Variants in RBBP8 observed in about 807,000 individuals in gnomAD.
The protein encoded by RBBP8 is DNA endonuclease RBBP8.
RBBP8 carries 88 observed loss-of-function variants against 108.3 expected under a neutral mutation model. That is an observed-to-expected ratio of 0.81 (90% confidence interval 0.68 to 0.97). RBBP8 has a LOEUF of 0.97. Ranked by LOEUF, RBBP8 falls within the 50% of genes least tolerant of loss-of-function variation. The pLI is 0.00. For synonymous variants in RBBP8, 332 were observed against 348.2 expected (o/e 0.95, Z 0.52); for missense variants, 1,023 against 1,049.0 (o/e 0.98, Z 0.34).
chr18:22,971,705 G>T (rs1316048435), intron 5 of RBBP8, among the ~76,000 whole-genome samples: 1 of 147,990 alleles, frequency 6.8e-6, no homozygotes, highest in Non-Finnish European at 1.5e-5. Flanking sequence ...GAGTGCAGTG[G>T]CGTCATCTCT....
intron 2 of RBBP8, among the ~76,000 whole-genome samples, chr18:22,915,848 T>C (rs983945023): frequency 1.3e-5 from 2 of 152,102 alleles, no homozygotes; most frequent in African/African-American, 2.4e-5. Flanking sequence ...AAGAAAGCTA[T>C]TTAAGAACTA....
At chr18:23,015,016 C>A in intron 16 of RBBP8, among the ~76,000 whole-genome samples, 1 of 151,996 alleles carries the variant, frequency 6.6e-6, no homozygotes, top group East Asian at 1.9e-4. Flanking sequence ...CTCCTGAGTA[C>A]CTGGGACTAT....
intron 16 of RBBP8, among the ~76,000 whole-genome samples, chr18:23,007,319 CCTGT>C (rs947369901): frequency 1.3e-5 from 2 of 152,088 alleles, no homozygotes; most frequent in Admixed American, 6.5e-5. Flanking sequence ...CCACACCCAG[CCTGT>C]CTGTTTTATT....
At chr18:22,954,878 C>A (rs1390423443) in intron 4 of RBBP8, among the ~76,000 whole-genome samples, 2 of 152,102 alleles carry the variant, frequency 1.3e-5, no homozygotes, top group Non-Finnish European at 2.9e-5. Context: ...CTCGTTAGAA[C>A]TCACTATCAA....
At chr18:23,010,419 CAGTG>C (rs1312871247) in intron 16 of RBBP8, among the ~76,000 whole-genome samples, 2 of 151,856 alleles carry the variant, frequency 1.3e-5, no homozygotes, top group Non-Finnish European at 2.9e-5. Context: ...CTGGGCAACA[CAGTG>C]AGACCTCGTC....
At chr18:22,928,783 C>G (rs1329421585), upstream of RBBP8, among the ~76,000 whole-genome samples, 4 of 151,980 alleles carry the variant, frequency 2.6e-5, no homozygotes, top group Non-Finnish European at 5.9e-5. Flanking sequence ...GATTCACCTC[C>G]CTCAGCCTCC....
intron 4 of RBBP8, among the ~76,000 whole-genome samples, chr18:22,951,948 T>G (rs925321092): frequency 2.6e-5 from 4 of 152,174 alleles, no homozygotes; most frequent in African/African-American, 9.7e-5. Context: ...TAACTGAGAC[T>G]TGATTGACAG....
intron 4 of RBBP8, among the ~76,000 whole-genome samples, chr18:22,967,769 C>T (rs1195794038): frequency 6.6e-6 from 1 of 151,626 alleles, no homozygotes; most frequent in African/African-American, 2.4e-5. Flanking sequence ...GCCTCAGCCT[C>T]CCGAGTAGCT....
chr18:23,012,143 G>A (rs563231600), intron 16 of RBBP8, among the ~76,000 whole-genome samples: 3 of 132,678 alleles, frequency 2.3e-5, no homozygotes, highest in South Asian at 2.6e-4. Flanking sequence ...CCAGGAGGTC[G>A]AGACTAGTGA....
chr18:23,020,768 T>G (rs2046335163), intron 17 of RBBP8, among the ~76,000 whole-genome samples: 1 of 152,208 alleles, frequency 6.6e-6, no homozygotes, highest in Non-Finnish European at 1.5e-5. Context: ...TTGCTTGCTG[T>G]GTTACAACTG....
intron 6 of RBBP8, among the ~76,000 whole-genome samples, chr18:22,979,078 G>C (rs943467680): frequency 6.6e-6 from 1 of 152,076 alleles, no homozygotes; most frequent in African/African-American, 2.4e-5. Flanking sequence ...GACAGCCTGG[G>C]CAACATGGTA....
chr18:22,945,589 A>T (rs765568153), intron 2 of RBBP8, among the ~76,000 whole-genome samples: 2 of 151,824 alleles, frequency 1.3e-5, no homozygotes, highest in Non-Finnish European at 2.9e-5. Context: ...CTCCACGTTG[A>T]TCGGGCTGGT....
At chr18:23,022,619 A>AAAT (rs1191275958) in intron 18 of RBBP8, among the ~76,000 whole-genome samples, 1 of 85,980 alleles carries the variant, frequency 1.2e-5, no homozygotes, top group African/African-American at 3.1e-5. Flanking sequence ...AAATAAAATA[A>AAAT]AATAAAATAA....
chr18:22,978,927 C>A (rs577696658), intron 6 of RBBP8, among the ~76,000 whole-genome samples: 2 of 152,250 alleles, frequency 1.3e-5, no homozygotes, highest in South Asian at 4.1e-4. Flanking sequence ...TGTATCAAAA[C>A]ATTTTGTTGA....
intron 17 of RBBP8, among the ~76,000 whole-genome samples, chr18:23,020,398 G>A (rs2046329702): frequency 1.3e-5 from 2 of 151,992 alleles, no homozygotes. Flanking sequence ...TCCAGCCTGG[G>A]TGACAAGAGC....
chr18:22,993,686 A>G, intron 11 of RBBP8, 35 bp from the exon 12 acceptor site: 1 of 1,614,188 alleles, frequency 6.2e-7, no homozygotes, highest in Non-Finnish European at 8.5e-7. Flanking sequence ...ATTGCTTGTG[A>G]TTTCATTTAG....
chr18:22,946,283 A>G, intron 2 of RBBP8, 161 bp from the exon 3 acceptor site: 3 of 815,838 alleles, frequency 3.7e-6, no homozygotes, highest in Non-Finnish European at 3.7e-6. Context: ...TACATTGCAG[A>G]TATGCTTTTG....
chr18:22,993,434 G>A lies in RBBP8; in HGVS notation c.1607G>A (p.Arg536His), dbSNP rs201228849. Residue 536 changes from arginine (R) to histidine (H), a missense_variant, in exon 11 of 19, where the codon CGT becomes CAT. Arg to His is a conservative substitution (Grantham distance 29, BLOSUM62 0). Coordinates refer to ENST00000327155, the MANE Select transcript of RBBP8 (RefSeq NM_002894.3). ...KTIPKGFSSS[R>H]KASDGNCTLP... is the part of the protein sequence containing the mutation. Reference sequence around the variant, plus strand: ...ATTCCAAAGGGCTTTTCCTCAAGCCGTAAGGCCTCAGATGGCAACTGCACG... The same window carrying A: ...ATTCCAAAGGGCTTTTCCTCAAGCCATAAGGCCTCAGATGGCAACTGCACG... 23 of 1,614,208 alleles carry A rather than the reference G, an allele frequency of 1.4e-5. No homozygotes were observed. Among genetic ancestry groups the A allele is most frequent in the African/African-American group, 5.3e-5 (4 of 75,050 alleles).
At chr18:22,923,612 A>C (rs1488235846) in intron 3 of RBBP8, among the ~76,000 whole-genome samples, 1 of 152,240 alleles carries the variant, frequency 6.6e-6, no homozygotes, top group Non-Finnish European at 1.5e-5. Flanking sequence ...AATCAGAGAT[A>C]GGGTCAGAAT....
Sources: gnomAD v4.1 joint callset for allele counts (sites outside exome capture counted in the v4.1 genomes callset) on GRCh38, gnomAD v4.1.1 for gene constraint, MANE v1.5 for transcripts, NCBI Gene and HGNC (gene_info 2026-07-23, HGNC 2026-07-21) for gene names.